CCNY: variants seen among roughly 807,000 people sequenced by gnomAD.
CCNY encodes cyclin-Y.
CCNY carries 19 observed loss-of-function variants against 42.8 expected under a neutral mutation model. That is an observed-to-expected ratio of 0.44 (90% CI 0.31 to 0.65). The LOEUF (loss-of-function observed/expected upper bound fraction) is 0.65, where lower values mean the gene tolerates loss of function less well. CCNY is among the 30% of genes least tolerant of loss of function. The pLI is 0.07. For synonymous variants in CCNY, 165 were observed against 162.7 expected (o/e 1.01, Z -0.11); for missense variants, 370 against 437.3 (o/e 0.85, Z 1.37).
chr10:35,479,764 TAAAAA>T (rs572142241), intron 1 of CCNY, among the ~76,000 whole-genome samples: 1 of 145,286 alleles, frequency 6.9e-6, no homozygotes, highest in Admixed American at 6.9e-5. Flanking sequence ...ATAATAATAA[TAAAAA>T]AAAAAGAAAA....
At chr10:35,483,504 T>A (rs746213349) in intron 2 of CCNY, 26 bp downstream of exon 2, 3 of 1,480,744 alleles carry the variant, frequency 2.0e-6, no homozygotes, top group Non-Finnish European at 2.8e-6. Flanking sequence ...ATGTTTCTTT[T>A]TGTAAAAAAG....
chr10:35,260,024 A>G (rs896712364), intron 3 of CCNY, among the ~76,000 whole-genome samples: 5 of 152,128 alleles, frequency 3.3e-5, no homozygotes, highest in Non-Finnish European at 7.3e-5. Flanking sequence ...GGCCAGAGAA[A>G]GCACGGCAAT....
At chr10:35,445,296 A>G (rs984818490) in intron 1 of CCNY, among the ~76,000 whole-genome samples, 6 of 152,112 alleles carry the variant, frequency 3.9e-5, no homozygotes, top group South Asian at 2.1e-4. Flanking sequence ...TCTGCCTCCC[A>G]CTCTCCACCC....
chr10:35,476,697 T>C (rs1485612709), intron 1 of CCNY, among the ~76,000 whole-genome samples: 4 of 149,410 alleles, frequency 2.7e-5, no homozygotes, highest in Admixed American at 2.0e-4. Flanking sequence ...AGATCCAAAA[T>C]TGACACCCTA....
chr10:35,400,261 C>T (rs1220519958), intron 1 of CCNY, among the ~76,000 whole-genome samples: 1 of 135,938 alleles, frequency 7.4e-6, no homozygotes, highest in Non-Finnish European at 1.5e-5. Context: ...ATCTCCCTAG[C>T]ACAGTGCAGG....
In CCNY at chr10:35,396,522, G is replaced by C. The variant is rs1021435216; in HGVS notation, c.154+59315G>C. 2.0e-5 allele frequency among the ~76,000 whole-genome samples: 3 copies of C among 152,242 alleles called. No homozygotes were observed. The East Asian group carries it at 5.8e-4, about 29-fold the overall frequency. ...CCTCTCTGGTACTGTTAATGGGCCA[G>C]GGTGCCCCGATGTTCTCACTGACTC... On this transcript the variant is annotated intron_variant, in intron 1 of 9. Coordinates refer to ENST00000374704, the MANE Select transcript of CCNY (RefSeq NM_145012.6).
At chr10:35,256,115 G>T (rs1329205913) in intron 3 of CCNY, among the ~76,000 whole-genome samples, 1 of 152,138 alleles carries the variant, frequency 6.6e-6, no homozygotes, top group Admixed American at 6.6e-5. Flanking sequence ...TCTGAAGATA[G>T]CATATAAGTG....
At chr10:35,308,196 G>A (rs1835637322) in intron 3 of CCNY, among the ~76,000 whole-genome samples, 1 of 152,002 alleles carries the variant, frequency 6.6e-6, no homozygotes, top group Admixed American at 6.6e-5. Context: ...ACTAACACAT[G>A]GCAGAGCTTA....
intron 1 of CCNY, among the ~76,000 whole-genome samples, chr10:35,384,374 T>C (rs1243408534): frequency 6.6e-6 from 1 of 152,126 alleles, no homozygotes; most frequent in East Asian, 1.9e-4. Flanking sequence ...GGTAGGGGAA[T>C]AGTCAGTTAC....
chr10:35,556,268 A>G (rs981062448), intron 8 of CCNY, among the ~76,000 whole-genome samples: 7 of 152,112 alleles, frequency 4.6e-5, no homozygotes, highest in African/African-American at 1.7e-4. Flanking sequence ...CTGGAGTGCC[A>G]CCTTTTTCCA....
chr10:35,373,118 T>C (rs1836974962), intron 1 of CCNY, among the ~76,000 whole-genome samples: 1 of 152,342 alleles, frequency 6.6e-6, no homozygotes, highest in African/African-American at 2.4e-5. Context: ...TAATGAAGTA[T>C]CAGAAGACAA....
At chr10:35,343,152 G>A (rs1328223624) in intron 1 of CCNY, among the ~76,000 whole-genome samples, 4 of 151,574 alleles carry the variant, frequency 2.6e-5, no homozygotes, top group Admixed American at 1.3e-4. Flanking sequence ...ACAGGTGCAC[G>A]CCACTACTGC....
At position 35,423,321 on chromosome 10, in the gene CCNY, A is replaced by G. The variant is rs111651661; in HGVS notation, c.155-60083A>G. ...AAAACCCCGTCTCTACAAAACATGC[A>G]AAAATCAGCTGGGCATGGTGACGCG... On this transcript the variant is annotated intron_variant, in intron 1 of 9. Transcript: ENST00000374704. 5.9e-3 allele frequency among the ~76,000 whole-genome samples: 900 copies of G among 152,178 alleles called. 12 individuals carry two copies. The highest frequency in any genetic ancestry group is 0.02 in the African/African-American group (812 of 41,510).
intron 1 of CCNY, among the ~76,000 whole-genome samples, chr10:35,441,842 G>A (rs1424455356): frequency 6.6e-6 from 1 of 151,578 alleles, no homozygotes; most frequent in African/African-American, 2.4e-5. Context: ...CTTTAATAAA[G>A]TTCATTTCAT....
intron 1 of CCNY, among the ~76,000 whole-genome samples, chr10:35,480,693 A>C (rs1295926110): frequency 1.3e-5 from 2 of 152,320 alleles, no homozygotes; most frequent in African/African-American, 2.4e-5. Context: ...GGCTGGGCAC[A>C]GTGACTCATA....
intron 1 of CCNY, among the ~76,000 whole-genome samples, chr10:35,463,622 T>C (rs1362999): frequency 0.43 from 64,878 of 152,042 alleles, 14,855 homozygotes; most frequent in African/African-American, 0.59. Flanking sequence ...ACCAACACTT[T>C]AGGAAACAAC....
chr10:35,417,032 C>T (rs1256816588), intron 1 of CCNY, among the ~76,000 whole-genome samples: 1 of 152,202 alleles, frequency 6.6e-6, no homozygotes, highest in African/African-American at 2.4e-5. Flanking sequence ...CATCCTGTGG[C>T]CACCTTCTTC....
intron 1 of CCNY, among the ~76,000 whole-genome samples, chr10:35,406,862 AC>A (rs1331279530): frequency 0.012 from 1,634 of 139,966 alleles, 27 homozygotes; most frequent in African/African-American, 0.04. Context: ...CGGGGGGCTG[AC>A]CCCCCCCCAC....
chr10:35,432,201 G>A (rs570899966), intron 1 of CCNY, among the ~76,000 whole-genome samples: 26 of 152,266 alleles, frequency 1.7e-4, no homozygotes, highest in African/African-American at 5.8e-4. Flanking sequence ...TCTTGGCTCC[G>A]TGACTTGCTG....
Sources: allele counts gnomAD v4.1 joint callset (sites outside exome capture counted in the v4.1 genomes callset), GRCh38; gene constraint gnomAD v4.1.1; transcripts MANE v1.5; gene names NCBI Gene and HGNC (gene_info 2026-07-23, HGNC 2026-07-21).